CACNB4: variants seen among roughly 807,000 people sequenced by gnomAD.
The protein encoded by CACNB4 is calcium voltage-gated channel auxiliary subunit beta 4.
Under a neutral mutation model 71.2 loss-of-function variants are expected in CACNB4, and 32 were observed. That is an observed-to-expected ratio of 0.45 (90% confidence interval 0.34 to 0.60). CACNB4 has a LOEUF of 0.60. Among genes scored for constraint, CACNB4 ranks in the 20% least tolerant of loss-of-function variants. The pLI is 0.01. For missense variants in CACNB4, 464 were observed against 647.9 expected (o/e 0.72, Z 3.08); for synonymous variants, 231 against 236.9 (o/e 0.97, Z 0.23).
At chr2:151,987,303 C>T (rs1681427200) in intron 2 of CACNB4, among the ~76,000 whole-genome samples, 1 of 152,136 alleles carries the variant, frequency 6.6e-6, no homozygotes, top group Non-Finnish European at 1.5e-5. Context: ...ATATTCTTTA[C>T]AGTATACTCC....
chr2:152,081,197 G>A (rs1457228901), intron 2 of CACNB4, among the ~76,000 whole-genome samples: 1 of 152,206 alleles, frequency 6.6e-6, no homozygotes, highest in Non-Finnish European at 1.5e-5. Flanking sequence ...TAAGGAGCAT[G>A]TGCTACTGAC....
chr2:151,872,687 G>A (rs1045632605), intron 5 of CACNB4, 194 bp from the exon 6 acceptor site: 7 of 465,384 alleles, frequency 1.5e-5, no homozygotes, highest in Admixed American at 4.2e-5. Context: ...AGAACTAGCC[G>A]AGACCTGGAA....
chr2:152,045,124 T>C (rs537167649), intron 2 of CACNB4, among the ~76,000 whole-genome samples: 3 of 152,274 alleles, frequency 2.0e-5, no homozygotes, highest in African/African-American at 7.2e-5. Flanking sequence ...CATAAATACA[T>C]GTACATATGT....
chr2:151,915,284 G>A (rs2099857170), intron 2 of CACNB4, among the ~76,000 whole-genome samples: 1 of 152,226 alleles, frequency 6.6e-6, no homozygotes, highest in Non-Finnish European at 1.5e-5. Flanking sequence ...CTGTTGGGCT[G>A]TGGGGACAAG....
intron 2 of CACNB4, among the ~76,000 whole-genome samples, chr2:151,888,676 A>T (rs1169081446): frequency 6.6e-6 from 1 of 152,232 alleles, no homozygotes; most frequent in Admixed American, 6.5e-5. Context: ...AACCTAGCTT[A>T]GCTGTCCATT....
rs1204420383 is a variant in CACNB4 at position 151,988,244 on chromosome 2, C to T, written c.148-104874G>A. ...ACAAACCAGTCTCCCTACCCAAGGACGTGACTTCCACTACTAATCCCTCTA... is the reference window on the plus strand; with the variant it reads ...ACAAACCAGTCTCCCTACCCAAGGATGTGACTTCCACTACTAATCCCTCTA... On this transcript the variant is annotated intron_variant, in intron 2 of 13. Transcript: ENST00000539935. Among the ~76,000 whole-genome samples the T allele has an allele frequency of 3.9e-5, 6 of 152,206 alleles. No homozygotes were observed. In the South Asian group the frequency reaches 6.2e-4, roughly 16 times the overall value.
rs2099834379 is a variant in CACNB4 at position 151,834,126 on chromosome 2, G to C, written c.*4993C>G. 1 of 152,018 alleles carries C rather than the reference G, an allele frequency of 6.6e-6. No homozygotes were observed. Among genetic ancestry groups the C allele is most frequent in the Non-Finnish European group, 1.5e-5 (1 of 67,910 alleles). 9.4% of individuals were successfully genotyped at this position (152,018 alleles called of 1,614,324 possible). A position where few individuals can be genotyped will look rare whatever the true frequency, so the allele number is the denominator to read the frequency against. On this transcript the variant is annotated 3_prime_UTR_variant, in exon 14 of 14. Coordinates refer to ENST00000539935, the MANE Select transcript of CACNB4 (RefSeq NM_000726.5). ...CATAGCCATTTGTTGAGAAATTTAA[G>C]TGTTCAAAACATAACCAAGAACACT...
At chr2:151,860,233 G>A (rs2099841295) in intron 10 of CACNB4, 1 of 173,226 alleles carries the variant, frequency 5.8e-6, no homozygotes. Context: ...TTTCCAACTG[G>A]TACCCCAGGA....
At chr2:151,899,633 T>C (rs2151500079) in intron 2 of CACNB4, among the ~76,000 whole-genome samples, 1 of 152,324 alleles carries the variant, frequency 6.6e-6, no homozygotes, top group East Asian at 1.9e-4. Context: ...CTTCAGGTGG[T>C]CGTATGTGAA....
chr2:152,030,339 A>G (rs1684216628), intron 2 of CACNB4, among the ~76,000 whole-genome samples: 1 of 152,248 alleles, frequency 6.6e-6, no homozygotes, highest in Non-Finnish European at 1.5e-5. Flanking sequence ...CATCAATATT[A>G]ATAGTATAAT....
intron 2 of CACNB4, among the ~76,000 whole-genome samples, chr2:152,069,837 C>CTTTT (rs70974819): frequency 1.4e-4 from 14 of 98,712 alleles, no homozygotes; most frequent in Non-Finnish European, 1.9e-4. Context: ...CTTCATCAAT[C>CTTTT]TTTTTTTTTT....
At chr2:151,953,509 G>C (rs555864177) in intron 2 of CACNB4, among the ~76,000 whole-genome samples, 8 of 152,184 alleles carry the variant, frequency 5.3e-5, no homozygotes, top group African/African-American at 1.7e-4. Context: ...CTTTTTTTAT[G>C]CCTAGAAAAT....
Position 152,060,445 on chromosome 2 carries a change from T to G in CACNB4, c.147+37885A>C, listed in dbSNP as rs78643383. ...TTAAATTAAGCATACCTCCTTTGAA[T>G]AGGTTCAAGGAAAACTACTGCTCTG... On this transcript the variant is annotated intron_variant, in intron 2 of 13. Coordinates refer to ENST00000539935, the MANE Select transcript of CACNB4 (RefSeq NM_000726.5). Among the ~76,000 whole-genome samples, 644 of 152,328 alleles carry G rather than the reference T, an allele frequency of 4.2e-3. 2 individuals carry two copies. The highest frequency in any genetic ancestry group is 7.0e-3 in the Admixed American group (107 of 15,306).
intron 2 of CACNB4, among the ~76,000 whole-genome samples, chr2:151,998,412 A>G (rs1682198065): frequency 6.6e-6 from 1 of 152,050 alleles, no homozygotes; most frequent in Non-Finnish European, 1.5e-5. Flanking sequence ...CATCTGAGGT[A>G]GCAAAACCCA....
chr2:151,959,761 G>C (rs552276719), intron 2 of CACNB4, among the ~76,000 whole-genome samples: 14 of 152,056 alleles, frequency 9.2e-5, no homozygotes, highest in Non-Finnish European at 1.5e-4. Context: ...TTTTATACCT[G>C]TGTAATTTCA....
chr2:151,933,553 A>G (rs1445359150), intron 2 of CACNB4, among the ~76,000 whole-genome samples: 4 of 152,152 alleles, frequency 2.6e-5, no homozygotes, highest in East Asian at 1.9e-4. Context: ...AATGCATTCA[A>G]GATCACACAA....
chr2:152,098,548 G>T lies in CACNB4; in HGVS notation c.64-135C>A. On this transcript the variant is annotated intron_variant, in intron 1 of 13. Transcript: ENST00000539935. This position sits in a 1 kb window ranked among gnomAD's most constrained non-coding sequence, Gnocchi z 5.3. ...TAGAGCCCGCACCCAAGTCTCCTCC[G>T]CGACTCCCAAATACAGCCCCCACCC... 7.3e-7 allele frequency: 1 copy of T among 1,374,050 alleles called. No homozygotes were observed. Among genetic ancestry groups the T allele is most frequent in the Non-Finnish European group, 1.0e-6 (1 of 981,060 alleles). The allele number at this position is 1,374,050 out of a possible 1,614,324, so 85.1% of individuals were successfully genotyped here.
intron 2 of CACNB4, among the ~76,000 whole-genome samples, chr2:151,897,299 C>T (rs1446811083): frequency 6.6e-6 from 1 of 152,112 alleles, no homozygotes; most frequent in Non-Finnish European, 1.5e-5. Context: ...AAGATGTCAG[C>T]CTAGTGCCAG....
intron 2 of CACNB4, among the ~76,000 whole-genome samples, chr2:152,088,170 T>TAC (rs61161547): frequency 2.0e-4 from 26 of 130,740 alleles, no homozygotes; most frequent in African/African-American, 4.2e-4. Flanking sequence ...CACACACACA[T>TAC]ACACACACAC....
Sources: allele counts gnomAD v4.1 joint callset (sites outside exome capture counted in the v4.1 genomes callset), GRCh38; gene constraint gnomAD v4.1.1; non-coding constraint Gnocchi (gnomAD v3.1); transcripts MANE v1.5; gene names NCBI Gene and HGNC (gene_info 2026-07-23, HGNC 2026-07-21).